The following POLR3B variants were observed in gnomAD, a reference collection of about 807,000 sequenced individuals.
POLR3B encodes the protein DNA-directed RNA polymerase III subunit RPC2.
POLR3B carries 96 observed loss-of-function variants against 147.4 expected under a neutral mutation model. That is an observed-to-expected ratio of 0.65 (90% CI 0.55 to 0.77). The LOEUF is 0.77. POLR3B is among the 30% of genes least tolerant of loss of function. POLR3B has a pLI of 0.00. For synonymous variants in POLR3B, 461 were observed against 485.9 expected (o/e 0.95, Z 0.67); for missense variants, 1,036 against 1,413.5 (o/e 0.73, Z 4.28).
chr12:106,466,714 T>C (rs943059492), intron 23 of POLR3B, among the ~76,000 whole-genome samples: 1 of 152,250 alleles, frequency 6.6e-6, no homozygotes, highest in African/African-American at 2.4e-5. Flanking sequence ...AGGGAATTTT[T>C]TCCCCATTGC....
At chr12:106,493,348 A>T (rs1175645725) in intron 23 of POLR3B, among the ~76,000 whole-genome samples, 2 of 152,364 alleles carry the variant, frequency 1.3e-5, no homozygotes, top group East Asian at 3.9e-4. Flanking sequence ...TAAGAAAAGA[A>T]ACCTTCCCGC....
intron 23 of POLR3B, among the ~76,000 whole-genome samples, chr12:106,480,001 T>TG (rs764746916): frequency 3.6e-3 from 212 of 58,192 alleles, no homozygotes; most frequent in Non-Finnish European, 5.3e-3. Context: ...TGTTTTTGGG[T>TG]TTTTTTTTTG....
At chr12:106,507,376 G>A (rs1452308332) in intron 27 of POLR3B, among the ~76,000 whole-genome samples, 1 of 152,064 alleles carries the variant, frequency 6.6e-6, no homozygotes, top group Non-Finnish European at 1.5e-5. Flanking sequence ...AAGATTAAAG[G>A]GCTTTCTGGA....
intron 23 of POLR3B, among the ~76,000 whole-genome samples, chr12:106,494,140 G>A (rs1181404890): frequency 6.6e-6 from 1 of 152,094 alleles, no homozygotes; most frequent in Non-Finnish European, 1.5e-5. Context: ...ACATTTCAGT[G>A]GAACGAGCAC....
chr12:106,443,937 G>C (rs1233136316), intron 18 of POLR3B, among the ~76,000 whole-genome samples: 1 of 152,150 alleles, frequency 6.6e-6, no homozygotes, highest in African/African-American at 2.4e-5. Context: ...CAATTCTCCT[G>C]CCTCAGCCTC....
In POLR3B at chr12:106,459,238, C is replaced by T. The variant is rs2037904417; in HGVS notation, c.2453-13C>T. ...TGATAACGATGTGCCTAACACTTTT[C>T]TTTTTTTCTCAGGTGAGAAAGTAGA... On this transcript the variant is annotated splice_polypyrimidine_tract_variant and intron_variant, in intron 21 of 27. Transcript: ENST00000228347. 2 of 1,425,242 alleles carry T rather than the reference C, an allele frequency of 1.4e-6. No homozygotes were observed. The highest frequency in any genetic ancestry group is 2.0e-6 in the Non-Finnish European group (2 of 1,008,292). 88.3% of individuals were successfully genotyped at this position (1,425,242 alleles called of 1,614,324 possible). A position where few individuals can be genotyped will look rare whatever the true frequency, so the allele number is the denominator to read the frequency against.
intron 18 of POLR3B, among the ~76,000 whole-genome samples, chr12:106,441,293 TTTG>T (rs2037648036): frequency 6.6e-6 from 1 of 152,066 alleles, no homozygotes; most frequent in Admixed American, 6.6e-5. Flanking sequence ...TTCTGAGAAG[TTTG>T]TTGTCAGGTG....
rs199992650 is a variant in POLR3B, at chr12:106,413,816, C to T, written c.1101+2856C>T. Among the ~76,000 whole-genome samples the T allele has an allele frequency of 4.6e-5, 7 of 151,714 alleles. No homozygotes were observed. The East Asian group carries it at 5.8e-4, about 13-fold the overall frequency. ...CTTTGTTCCTTTACTGCATTCTGTG[C>T]GATTGTTTTTCTAATTTAGCTCTTA... On this transcript the variant is annotated intron_variant, in intron 12 of 27. Transcript: ENST00000228347.
At chr12:106,458,390 C>T (rs913704265) in intron 21 of POLR3B, among the ~76,000 whole-genome samples, 9 of 152,146 alleles carry the variant, frequency 5.9e-5, no homozygotes, top group African/African-American at 2.2e-4. Flanking sequence ...TCCCAAAGTG[C>T]TTGAGCCACC....
Position 106,431,677 on chromosome 12 carries a change from T to C in POLR3B, c.1465-641T>C, listed in dbSNP as rs184235196. Among the ~76,000 whole-genome samples, 356 of 152,364 alleles carry C rather than the reference T, an allele frequency of 2.3e-3. 1 individual carries two copies. Among genetic ancestry groups the C allele is most frequent in the African/African-American group, 8.3e-3 (344 of 41,588 alleles). Reference sequence around the variant, plus strand: ...ATCTTATGTAACCATAGCACTGTTATCAGCCTCATGACATTGAACAATACT... The same window carrying C: ...ATCTTATGTAACCATAGCACTGTTACCAGCCTCATGACATTGAACAATACT... On this transcript the variant is annotated intron_variant, in intron 14 of 27. Coordinates refer to ENST00000228347, the MANE Select transcript of POLR3B (RefSeq NM_018082.6).
intron 10 of POLR3B, among the ~76,000 whole-genome samples, chr12:106,401,908 G>A (rs1252233043): frequency 6.6e-6 from 1 of 152,198 alleles, no homozygotes; most frequent in African/African-American, 2.4e-5. Flanking sequence ...GCACAGGACA[G>A]GGATGCCCTC....
chr12:106,479,968 A>G (rs2038243529), intron 23 of POLR3B, among the ~76,000 whole-genome samples: 2 of 147,906 alleles, frequency 1.4e-5, no homozygotes, highest in Admixed American at 6.7e-5. Flanking sequence ...ATGCACCACC[A>G]TGCCTGGCTA....
At chr12:106,399,168 G>A (rs2136923606) in intron 10 of POLR3B, among the ~76,000 whole-genome samples, 1 of 152,294 alleles carries the variant, frequency 6.6e-6, no homozygotes, top group South Asian at 2.1e-4. Flanking sequence ...CAAGGCACGA[G>A]AACTATGTGA....
intron 27 of POLR3B, among the ~76,000 whole-genome samples, chr12:106,507,419 G>T (rs2038705219): frequency 6.6e-6 from 1 of 152,178 alleles, no homozygotes; most frequent in Non-Finnish European, 1.5e-5. Context: ...ATTTAAAATA[G>T]ATTAGCTTGG....
At chr12:106,434,901 G>A (rs1362957118) in intron 16 of POLR3B, among the ~76,000 whole-genome samples, 3 of 152,052 alleles carry the variant, frequency 2.0e-5, no homozygotes, top group Non-Finnish European at 4.4e-5. Flanking sequence ...CCAGGGGTTG[G>A]GCATATGACC....
intron 9 of POLR3B, among the ~76,000 whole-genome samples, chr12:106,388,166 C>T (rs1458537950): frequency 6.6e-6 from 1 of 152,150 alleles, no homozygotes; most frequent in East Asian, 1.9e-4. Context: ...AAAGGTTCTC[C>T]TGCCCATGAA....
At chr12:106,496,411 CAA>C (rs769727369) in intron 24 of POLR3B, 15 of 613,264 alleles carry the variant, frequency 2.4e-5, no homozygotes, top group African/African-American at 3.7e-5. Flanking sequence ...TACCCCTCAG[CAA>C]AAGAGAATCC....
chr12:106,459,413 A>AAG (rs1378440107), intron 22 of POLR3B, 45 bp downstream of exon 22: 1 of 1,061,176 alleles, frequency 9.4e-7, no homozygotes, highest in Non-Finnish European at 1.5e-6. Flanking sequence ...AGGTTAGAAA[A>AAG]AGAGAAGAAA....
intron 25 of POLR3B, 71 bp from the exon 26 acceptor site, chr12:106,501,252 T>C (rs1227900004): frequency 3.4e-6 from 3 of 894,778 alleles, no homozygotes; most frequent in African/African-American, 3.3e-5. Flanking sequence ...CTGCCAGTGA[T>C]GGGTCCAAAG....
Sources: gnomAD v4.1 joint callset for allele counts (sites outside exome capture counted in the v4.1 genomes callset) on GRCh38, gnomAD v4.1.1 for gene constraint, MANE v1.5 for transcripts, NCBI Gene and HGNC (gene_info 2026-07-23, HGNC 2026-07-21) for gene names.